PDK1: variants seen among roughly 807,000 people sequenced by gnomAD.
PDK1 encodes pyruvate dehydrogenase kinase 1.
PDK1 carries 39 observed loss-of-function variants against 54.2 expected under a neutral mutation model. The ratio of observed to expected loss-of-function variants is 0.72; its 90% CI spans 0.56 to 0.94. The LOEUF is 0.94. Ranked by LOEUF, PDK1 falls within the 40% of genes least tolerant of loss-of-function variation. PDK1 has a pLI of 0.00. For missense variants in PDK1, 552 were observed against 566.0 expected (o/e 0.98, Z 0.25); for synonymous variants, 221 against 207.1 (o/e 1.07, Z -0.58).
the PDK1 span, among the ~76,000 whole-genome samples, chr2:172,656,627 G>A: frequency 1.3e-5 from 2 of 152,068 alleles, no homozygotes; most frequent in Non-Finnish European, 1.5e-5. Flanking sequence ...TCCCCCATGC[G>A]GCTGTATGTG....
At chr2:172,617,626 T>C in the PDK1 span, among the ~76,000 whole-genome samples, 7 of 152,066 alleles carry the variant, frequency 4.6e-5, no homozygotes, top group East Asian at 1.2e-3. Context: ...TCTAATGGCA[T>C]TAACCTATCC....
the PDK1 span, among the ~76,000 whole-genome samples, chr2:172,664,286 G>C: frequency 1.0e-5 from 1 of 99,694 alleles, no homozygotes; most frequent in Non-Finnish European, 1.8e-5. Flanking sequence ...ACTCCAACCT[G>C]GACAACGAGA....
intron 8 of PDK1, among the ~76,000 whole-genome samples, chr2:172,572,810 A>G (rs561214077): frequency 6.6e-6 from 1 of 151,850 alleles, no homozygotes; most frequent in Admixed American, 6.6e-5. Context: ...CCACTGATCT[A>G]TTTTCTGTTT....
At chr2:172,620,754 C>G in the PDK1 span, among the ~76,000 whole-genome samples, 1 of 152,146 alleles carries the variant, frequency 6.6e-6, no homozygotes, top group East Asian at 1.9e-4. Context: ...CACTCTTGTT[C>G]TTGCTTTCAC....
At chr2:172,578,018 T>C (rs573305017) in intron 8 of PDK1, among the ~76,000 whole-genome samples, 1 of 152,344 alleles carries the variant, frequency 6.6e-6, no homozygotes, top group Admixed American at 6.5e-5. Context: ...TGTCTGTCAG[T>C]GATCATCTCT....
the PDK1 span, among the ~76,000 whole-genome samples, chr2:172,634,263 TA>T: frequency 0.079 from 1,706 of 21,520 alleles, 40 homozygotes; most frequent in African/African-American, 0.14. Context: ...AATCTATTTA[TA>T]TTATTATTAT....
the PDK1 span, among the ~76,000 whole-genome samples, chr2:172,628,789 C>T: frequency 1.3e-5 from 2 of 152,060 alleles, no homozygotes; most frequent in African/African-American, 4.8e-5. Context: ...TCTCCATTCC[C>T]ACCCACGATA....
the PDK1 span, among the ~76,000 whole-genome samples, chr2:172,625,894 T>C: frequency 7.2e-5 from 11 of 152,196 alleles, no homozygotes; most frequent in African/African-American, 2.4e-5. Context: ...CTTAATGACA[T>C]GAATGAATCA....
chr2:172,558,627 CCTCT>C lies in PDK1; in HGVS notation c.197-78_197-75del, dbSNP rs935925972. The C allele has an allele frequency of 2.3e-5, 29 of 1,269,052 alleles. No individual in the cohort carries two copies. The Admixed American group carries it at 2.7e-4, about 12-fold the overall frequency. The allele number at this position is 1,269,052 out of a possible 1,614,324, so 78.6% of individuals were successfully genotyped here. A position where few individuals can be genotyped will look rare whatever the true frequency, so the allele number is the denominator to read the frequency against. On this transcript the variant is annotated intron_variant, in intron 1 of 10. Transcript: ENST00000282077. ...TCCCTCTGGCCTTGCCGGATAACTT[CCTCT>C]CTATTTCTCTCAGCCTCTTGCCTTC...
the PDK1 span, among the ~76,000 whole-genome samples, chr2:172,622,898 A>ATAATATGATATATGTTTACATATTATATG: frequency 6.1e-5 from 9 of 147,840 alleles, no homozygotes; most frequent in African/African-American, 2.2e-4. Flanking sequence ...TATATGTAAT[A>ATAATATGATATATGTTTACATATTATATG]TAATATAATA....
intron 2 of PDK1, among the ~76,000 whole-genome samples, chr2:172,561,355 T>C (rs1346525785): frequency 6.6e-6 from 1 of 152,222 alleles, no homozygotes; most frequent in Admixed American, 6.5e-5. Flanking sequence ...AACTTTGGAA[T>C]GCAGTAAGAC....
In PDK1 at chr2:172,606,902, T is replaced by TA. The variant is rs1691317087; in HGVS notation, c.*10936dup. ...CCCTAAAAGGAAACCTTGCACCCAT[T>TA]AAACAGTGGTAGTTTCTCTATCATG... On this transcript the variant is annotated 3_prime_UTR_variant, in exon 11 of 11. Coordinates refer to ENST00000282077, the MANE Select transcript of PDK1 (RefSeq NM_002610.5). 6.6e-6 allele frequency: 1 copy of TA among 152,202 alleles called. No individual in the cohort carries two copies. 9.4% of individuals were successfully genotyped at this position (152,202 alleles called of 1,614,324 possible).
chr2:172,645,288 T>TTTTA, the PDK1 span, among the ~76,000 whole-genome samples: 2 of 141,862 alleles, frequency 1.4e-5, no homozygotes, highest in Admixed American at 7.1e-5. Context: ...TTTTTTTTTT[T>TTTTA]GAGATAGAGT....
At chr2:172,567,958 AT>A (rs1462109318) in intron 6 of PDK1, among the ~76,000 whole-genome samples, 1 of 152,222 alleles carries the variant, frequency 6.6e-6, no homozygotes, top group Admixed American at 6.5e-5. Flanking sequence ...GCTAGCTCAT[AT>A]TTTTTATTCA....
the PDK1 span, among the ~76,000 whole-genome samples, chr2:172,620,541 T>TA: frequency 1.6e-4 from 25 of 152,132 alleles, no homozygotes; most frequent in Non-Finnish European, 2.8e-4. Flanking sequence ...GGGGCTCTGA[T>TA]ACGGTTTAGC....
the PDK1 span, among the ~76,000 whole-genome samples, chr2:172,670,167 G>A: frequency 6.6e-6 from 1 of 152,138 alleles, no homozygotes; most frequent in African/African-American, 2.4e-5. Context: ...ATTCGCCCAC[G>A]TTAGCCTTCC....
the PDK1 span, among the ~76,000 whole-genome samples, chr2:172,701,657 T>G: frequency 1.2e-3 from 179 of 149,654 alleles, 1 homozygote; most frequent in African/African-American, 3.7e-3. Flanking sequence ...TGTTTTTTTT[T>G]TTTTTTGGAA....
the PDK1 span, among the ~76,000 whole-genome samples, chr2:172,681,254 G>A: frequency 1.3e-5 from 2 of 152,202 alleles, no homozygotes; most frequent in African/African-American, 2.4e-5. Context: ...GACAAAATCC[G>A]TATTATTACA....
intron 1 of PDK1, chr2:172,556,605 C>G (rs969699833): frequency 2.3e-5 from 8 of 344,832 alleles, no homozygotes; most frequent in East Asian, 9.1e-5. Flanking sequence ...GACGACCTCC[C>G]GCCTCCCGGC....
Sources: allele counts gnomAD v4.1 joint callset (sites outside exome capture counted in the v4.1 genomes callset), GRCh38; gene constraint gnomAD v4.1.1; transcripts MANE v1.5; gene names NCBI Gene and HGNC (gene_info 2026-07-23, HGNC 2026-07-21).